Variants in TASP1 observed in about 807,000 individuals in gnomAD.
The protein encoded by TASP1 is taspase 1.
A neutral mutation model predicts 56.6 loss-of-function variants in TASP1; 16 were observed. The ratio of observed to expected loss-of-function variants is 0.28; its 90% CI spans 0.19 to 0.43. TASP1 has a LOEUF of 0.43. Among genes scored for constraint, TASP1 ranks in the 20% least tolerant of loss-of-function variants. The pLI is 1.00. For missense variants in TASP1, 393 were observed against 511.6 expected, an observed-to-expected ratio of 0.77 and a Z score of 2.24; for synonymous variants, 179 against 184.2, an observed-to-expected ratio of 0.97 and a Z score of 0.23.
In TASP1 at chr20:13,390,123, C is replaced by A; in HGVS notation, c.*237G>T. On this transcript the variant is annotated 3_prime_UTR_variant, in exon 14 of 14. Transcript: ENST00000337743. ...CACGGAGAAGCAAACACACATACTC[C>A]ACACATACACATATGTGCGCACATA... 1 of 441,664 alleles carries A rather than the reference C, an allele frequency of 2.3e-6. No individual in the cohort carries two copies. Among genetic ancestry groups the A allele is most frequent in the South Asian group, 2.5e-5 (1 of 39,378 alleles). 27.4% of individuals were successfully genotyped at this position (441,664 alleles called of 1,614,324 possible).
the TASP1 span, among the ~76,000 whole-genome samples, chr20:13,120,898 G>A: frequency 2.0e-5 from 3 of 152,126 alleles, no homozygotes; most frequent in African/African-American, 4.8e-5. Flanking sequence ...GTTTGGAGCC[G>A]CTATAGATGC....
chr20:13,422,051 A>T (rs1315239776), intron 12 of TASP1, among the ~76,000 whole-genome samples: 8 of 145,040 alleles, frequency 5.5e-5, no homozygotes, highest in African/African-American at 2.1e-4. Flanking sequence ...TCCCGGGTTC[A>T]CGCCATTCTC....
chr20:13,108,834 G>A, the TASP1 span, among the ~76,000 whole-genome samples: 1 of 152,150 alleles, frequency 6.6e-6, no homozygotes, highest in Admixed American at 6.5e-5. Flanking sequence ...CACCTTTTGT[G>A]AGCATTTTAA....
intron 10 of TASP1, among the ~76,000 whole-genome samples, 197 bp from the exon 11 acceptor site, chr20:13,483,534 T>C (rs1160570297): frequency 6.6e-6 from 1 of 152,152 alleles, no homozygotes; most frequent in African/African-American, 2.4e-5. Flanking sequence ...AACACAAAGT[T>C]TATCAATCAA....
intron 7 of TASP1, among the ~76,000 whole-genome samples, chr20:13,565,237 T>A (rs969316171): frequency 6.6e-6 from 1 of 151,888 alleles, no homozygotes; most frequent in African/African-American, 2.4e-5. Flanking sequence ...TATAAAAAAA[T>A]TAATTCAAAA....
chr20:13,254,433 T>C, the TASP1 span, among the ~76,000 whole-genome samples: 7 of 151,908 alleles, frequency 4.6e-5, no homozygotes, highest in East Asian at 3.9e-4. Context: ...AGAATCAGAA[T>C]TGAATTCAAG....
chr20:13,364,497 T>A, the TASP1 span, among the ~76,000 whole-genome samples: 2 of 152,102 alleles, frequency 1.3e-5, no homozygotes, highest in Non-Finnish European at 2.9e-5. Flanking sequence ...TTAGGTCTTG[T>A]CAGTTCTCCC....
chr20:13,315,934 C>T, the TASP1 span, among the ~76,000 whole-genome samples: 3 of 151,866 alleles, frequency 2.0e-5, no homozygotes, highest in African/African-American at 4.8e-5. Flanking sequence ...AACTTTTAAA[C>T]ACTTTGAACT....
the TASP1 span, chr20:13,270,850 C>T: frequency 2.0e-6 from 2 of 1,008,864 alleles, no homozygotes; most frequent in African/African-American, 1.6e-5. Context: ...TTCTTAACCC[C>T]TTAATGATTC....
At chr20:13,558,980 A>G in intron 8 of TASP1, 28 bp downstream of exon 8, 1 of 1,382,556 alleles carries the variant, frequency 7.2e-7, no homozygotes, top group African/African-American at 1.4e-5. Flanking sequence ...CTGATACATT[A>G]ATTTGAATAT....
intron 8 of TASP1, among the ~76,000 whole-genome samples, chr20:13,552,137 G>C (rs1370984496): frequency 6.6e-6 from 1 of 152,066 alleles, no homozygotes; most frequent in Non-Finnish European, 1.5e-5. Flanking sequence ...CCAGTCCCTC[G>C]ACAACATGGT....
At chr20:13,570,647 AGAGAG>A (rs2046679911) in intron 6 of TASP1, among the ~76,000 whole-genome samples, 1 of 152,254 alleles carries the variant, frequency 6.6e-6, no homozygotes, top group South Asian at 2.1e-4. Context: ...TATTTTAAAT[AGAGAG>A]GAGAGAAGGC....
the TASP1 span, among the ~76,000 whole-genome samples, chr20:13,328,788 C>A: frequency 1.6e-5 from 2 of 126,020 alleles, no homozygotes; most frequent in African/African-American, 6.3e-5. Context: ...GGGAACAACA[C>A]ACACTGGGAC....
At chr20:13,498,255 TAACTC>T (rs1444161767) in intron 10 of TASP1, among the ~76,000 whole-genome samples, 10 of 151,846 alleles carry the variant, frequency 6.6e-5, no homozygotes, top group African/African-American at 1.9e-4. Context: ...ATAAGGAACT[TAACTC>T]AATAAACTAA....
the TASP1 span, among the ~76,000 whole-genome samples, chr20:13,296,669 G>A: frequency 6.6e-6 from 1 of 152,162 alleles, no homozygotes; most frequent in African/African-American, 2.4e-5. Context: ...GGCTGAGGGT[G>A]GGCCAAAGTC....
At chr20:13,288,654 C>T in the TASP1 span, 9 of 1,613,812 alleles carry the variant, frequency 5.6e-6, no homozygotes, top group Admixed American at 1.7e-5. Context: ...GCAACAGAAT[C>T]GAGGACCTGT....
At chr20:13,221,474 C>T in the TASP1 span, among the ~76,000 whole-genome samples, 6 of 145,714 alleles carry the variant, frequency 4.1e-5, no homozygotes, top group Non-Finnish European at 3.1e-5. Context: ...GTCTCCGCCG[C>T]CGCCGCCGCC....
intron 3 of TASP1, among the ~76,000 whole-genome samples, chr20:13,624,386 T>C (rs2048815592): frequency 6.6e-6 from 1 of 152,126 alleles, no homozygotes; most frequent in East Asian, 1.9e-4. Flanking sequence ...GCTTTATTAT[T>C]ACAAATTTCA....
the TASP1 span, among the ~76,000 whole-genome samples, chr20:13,241,998 A>G: frequency 6.6e-6 from 1 of 152,210 alleles, no homozygotes; most frequent in Non-Finnish European, 1.5e-5. Flanking sequence ...GAAGGAAAGT[A>G]AAAACAAGAG....
Sources: gnomAD v4.1 joint callset for allele counts (sites outside exome capture counted in the v4.1 genomes callset) on GRCh38, gnomAD v4.1.1 for gene constraint, MANE v1.5 for transcripts, NCBI Gene and HGNC (gene_info 2026-07-23, HGNC 2026-07-21) for gene names.